The following PCDH15 variants were observed in gnomAD, a reference collection of about 807,000 sequenced individuals.
The protein encoded by PCDH15 is protocadherin related 15, also known as protocadherin-15.
PCDH15 carries 129 observed loss-of-function variants against 178.5 expected under a neutral mutation model. The ratio of observed to expected loss-of-function variants is 0.72; its 90% CI spans 0.63 to 0.84. PCDH15 has a LOEUF of 0.84. Ranked by LOEUF, PCDH15 falls within the 40% of genes least tolerant of loss-of-function variation. PCDH15 has a pLI of 0.00. For missense variants in PCDH15, 2,230 were observed against 2,099.9 expected (o/e 1.06, Z -1.21); for synonymous variants, 800 against 732.0 (o/e 1.09, Z -1.50).
chr10:55,256,598 G>A (rs1187705763), intron 1 of PCDH15, among the ~76,000 whole-genome samples: 1 of 152,140 alleles, frequency 6.6e-6, no homozygotes, highest in Non-Finnish European at 1.5e-5. Flanking sequence ...GGCTCGGAGG[G>A]TCCCATGCCC....
chr10:54,186,256 GA>G (rs1363088871), intron 11 of PCDH15, among the ~76,000 whole-genome samples: 2 of 151,978 alleles, frequency 1.3e-5, no homozygotes, highest in Non-Finnish European at 2.9e-5. Context: ...AGCATGATAT[GA>G]AATGGATTTA....
chr10:54,940,897 T>C (rs1484621096), intron 2 of PCDH15, among the ~76,000 whole-genome samples: 1 of 152,118 alleles, frequency 6.6e-6, no homozygotes, highest in Non-Finnish European at 1.5e-5. Flanking sequence ...TTCCACCTAT[T>C]TGAATCTTTG....
intron 16 of PCDH15, among the ~76,000 whole-genome samples, chr10:54,086,728 T>C (rs1277950544): frequency 1.3e-5 from 2 of 152,096 alleles, no homozygotes; most frequent in Admixed American, 6.6e-5. Context: ...AGAATGATCA[T>C]CAAAAGGGAT....
intron 3 of PCDH15, among the ~76,000 whole-genome samples, chr10:54,519,543 C>G (rs1327602116): frequency 6.6e-6 from 1 of 152,158 alleles, no homozygotes; most frequent in Non-Finnish European, 1.5e-5. Context: ...CTACAAACCA[C>G]TGCTCAATGA....
intron 1 of PCDH15, among the ~76,000 whole-genome samples, chr10:54,757,281 T>TCCTTTAGAAAACTAC (rs1566146509): frequency 6.6e-5 from 4 of 60,222 alleles, no homozygotes; most frequent in African/African-American, 1.6e-4. Flanking sequence ...TCTACCTTTT[T>TCCTTTAGAAAACTAC]TTTTTTTTTT....
At chr10:53,949,810 T>G (rs766433751) in intron 23 of PCDH15, among the ~76,000 whole-genome samples, 7 of 152,348 alleles carry the variant, frequency 4.6e-5, no homozygotes, top group Non-Finnish European at 8.8e-5. Flanking sequence ...CTAGACCTGC[T>G]CACTTGCTAT....
chr10:54,195,903 G>T lies in PCDH15; in HGVS notation c.1099-14C>A, dbSNP rs1429785571. 1 of 1,606,218 alleles carries T rather than the reference G, an allele frequency of 6.2e-7. No homozygotes were observed. On this transcript the variant is annotated splice_polypyrimidine_tract_variant and intron_variant, in intron 10 of 37. Coordinates refer to ENST00000644397, the MANE Select transcript of PCDH15 (RefSeq NM_001384140.1). ...GTCTTGTTCAGCCTAAAATTGAAAA[G>T]AAAAGAAAATATTTAGAAAGTATAT...
At chr10:55,555,276 T>C (rs553810768) in intron 2 of PCDH15, among the ~76,000 whole-genome samples, 312 of 152,146 alleles carry the variant, frequency 2.1e-3, no homozygotes, top group Admixed American at 4.6e-3. Flanking sequence ...GATGAAAAAA[T>C]GGGCTCTTCA....
chr10:53,856,116 G>GGACTC (rs1406552436), intron 28 of PCDH15, among the ~76,000 whole-genome samples: 1 of 151,142 alleles, frequency 6.6e-6, no homozygotes, highest in East Asian at 2.0e-4. Context: ...TGGAGTTTGG[G>GGACTC]GACTCAGGGG....
At chr10:55,341,008 C>T (rs1220337686) in intron 2 of PCDH15, among the ~76,000 whole-genome samples, 1 of 151,796 alleles carries the variant, frequency 6.6e-6, no homozygotes, top group Non-Finnish European at 1.5e-5. Context: ...TTTTCTTTTT[C>T]ACTCTGGTAG....
intron 2 of PCDH15, among the ~76,000 whole-genome samples, chr10:55,536,578 C>A (rs1841582301): frequency 6.6e-6 from 1 of 152,120 alleles, no homozygotes; most frequent in African/African-American, 2.4e-5. Flanking sequence ...AAGACATACG[C>A]ATACAAGCAT....
chr10:54,692,511 T>C (rs1259449802), intron 1 of PCDH15, among the ~76,000 whole-genome samples: 1 of 152,174 alleles, frequency 6.6e-6, no homozygotes, highest in East Asian at 1.9e-4. Context: ...CTAACTGGGG[T>C]TAAATGTTCT....
chr10:55,008,419 T>G (rs1839980353), intron 2 of PCDH15, among the ~76,000 whole-genome samples: 1 of 152,182 alleles, frequency 6.6e-6, no homozygotes, highest in South Asian at 2.1e-4. Flanking sequence ...GCTCCTTTCT[T>G]TTCTTTACTT....
chr10:54,177,403 T>A (rs1386665910), intron 13 of PCDH15, among the ~76,000 whole-genome samples: 4 of 152,032 alleles, frequency 2.6e-5, no homozygotes, highest in Non-Finnish European at 5.9e-5. Context: ...CGAGAGTGAA[T>A]CCTAATGCAA....
At chr10:53,885,445 A>G (rs1441938524) in intron 26 of PCDH15, among the ~76,000 whole-genome samples, 1 of 152,174 alleles carries the variant, frequency 6.6e-6, no homozygotes, top group Non-Finnish European at 1.5e-5. Flanking sequence ...GGATAAATTT[A>G]TACTGATACT....
chr10:55,130,867 G>A (rs146974893), intron 2 of PCDH15, among the ~76,000 whole-genome samples: 18 of 151,672 alleles, frequency 1.2e-4, no homozygotes, highest in African/African-American at 4.3e-4. Context: ...TATTCTTGGT[G>A]GAAAACAGGA....
chr10:54,031,702 G>A (rs1038120277), intron 18 of PCDH15, among the ~76,000 whole-genome samples: 1 of 152,012 alleles, frequency 6.6e-6, no homozygotes, highest in Non-Finnish European at 1.5e-5. Context: ...GTAAGCATTA[G>A]GAAGAAACTT....
chr10:54,759,347 A>C (rs1947568413), intron 1 of PCDH15, among the ~76,000 whole-genome samples: 1 of 152,202 alleles, frequency 6.6e-6, no homozygotes. Context: ...TAAAGCAAAA[A>C]ACAATTTTCA....
chr10:54,547,562 T>C (rs544942133), intron 2 of PCDH15, among the ~76,000 whole-genome samples: 1 of 152,200 alleles, frequency 6.6e-6, no homozygotes, highest in East Asian at 1.9e-4. Flanking sequence ...GCAACTTGGC[T>C]ATTTCTCTGC....
Sources: allele counts gnomAD v4.1 joint callset (sites outside exome capture counted in the v4.1 genomes callset), GRCh38; gene constraint gnomAD v4.1.1; transcripts MANE v1.5; gene names NCBI Gene and HGNC (gene_info 2026-07-23, HGNC 2026-07-21).